Variants in PRSS55 observed in about 807,000 individuals in gnomAD.
PRSS55 encodes the protein probable serine protease UNQ9391/PRO34284.
A neutral mutation model predicts 23.6 loss-of-function variants in PRSS55; 41 were observed. The ratio of observed to expected loss-of-function variants is 1.74; its 90% confidence interval spans 1.35 to 2.26. The LOEUF is 2.26. Ranked by LOEUF, PRSS55 falls within the 30% of genes most tolerant of loss-of-function variation. The pLI is 0.00. For synonymous variants in PRSS55, 262 were observed against 175.5 expected, an observed-to-expected ratio of 1.49 and a Z score of -3.90; for missense variants, 669 against 439.1, an observed-to-expected ratio of 1.52 and a Z score of -4.68.
At chr8:10,547,859 C>T (rs193240516) in intron 4 of PRSS55, among the ~76,000 whole-genome samples, 218 of 151,816 alleles carry the variant, frequency 1.4e-3, no homozygotes, top group African/African-American at 5.0e-3. Context: ...GAGCAGGGAA[C>T]AACATGTCAC....
At position 10,532,904 on chromosome 8, in the gene PRSS55, A is replaced by G. The variant is rs1812320205; in HGVS notation, c.599-2A>G. 1 of 1,614,074 alleles carries G rather than the reference A, an allele frequency of 6.2e-7. No homozygotes were observed. The highest frequency in any genetic ancestry group is 8.5e-7 in the Non-Finnish European group (1 of 1,180,028). Reference sequence around the variant, plus strand: ...CTCTAATGCGCTTTCTCTCTGGGCCAGCTGACAAAAACTCTGTGAAAACGG... The same window carrying G: ...CTCTAATGCGCTTTCTCTCTGGGCCGGCTGACAAAAACTCTGTGAAAACGG... On this transcript the variant is annotated splice_acceptor_variant, in intron 3 of 4. Transcript: ENST00000328655. LOFTEE classifies it high-confidence loss of function.
intron 1 of PRSS55, among the ~76,000 whole-genome samples, chr8:10,526,339 T>G (rs1018310700): frequency 4.6e-5 from 7 of 152,146 alleles, no homozygotes; most frequent in Admixed American, 3.9e-4. Flanking sequence ...TTGCCCAAAG[T>G]TGCCCCAGGG....
intron 2 of PRSS55, 114 bp from the exon 3 acceptor site, chr8:10,531,181 G>A (rs1812244323): frequency 2.3e-6 from 3 of 1,286,454 alleles, no homozygotes; most frequent in Middle Eastern, 1.9e-4. Context: ...GCCCCAGTAG[G>A]GTTTAAAGGT....
intron 4 of PRSS55, among the ~76,000 whole-genome samples, chr8:10,550,208 C>T (rs1812922085): frequency 6.6e-6 from 1 of 152,216 alleles, no homozygotes; most frequent in Non-Finnish European, 1.5e-5. Context: ...CAGCTGTGAG[C>T]CATTGCGCCC....
chr8:10,529,633 GC>G lies in PRSS55; in HGVS notation c.282del (p.Gly95AlafsTer26). 1 of 1,614,170 alleles carries G rather than the reference GC, an allele frequency of 6.2e-7. No homozygotes were observed. The highest frequency in any genetic ancestry group is 8.5e-7 in the Non-Finnish European group (1 of 1,180,026). On this transcript the variant is annotated frameshift_variant, in exon 2 of 5. Coordinates refer to ENST00000328655, the MANE Select transcript of PRSS55 (RefSeq NM_198464.4). LOFTEE classifies it high-confidence loss of function. ...SIQARSEPFCGGSILNKWWIL... is the reference protein window; with the variant it reads ...SIQARSEPFCXGSILNKWWIL... Reference sequence around the variant, plus strand: ...CAGGCAAGAAGTGAACCTTTCTGTGGCGGCTCCATCCTCAACAAGTGGTGGA... The same window carrying G: ...CAGGCAAGAAGTGAACCTTTCTGTGGGGCTCCATCCTCAACAAGTGGTGGA...
At chr8:10,532,828 A>C in intron 3 of PRSS55, 78 bp from the exon 4 acceptor site, 1 of 1,579,540 alleles carries the variant, frequency 6.3e-7, no homozygotes. Context: ...CACAGGGCCG[A>C]GGGCACAGTC....
chr8:10,541,936 G>A (rs1045114671), downstream of PRSS55, among the ~76,000 whole-genome samples: 9 of 151,940 alleles, frequency 5.9e-5, no homozygotes, highest in African/African-American at 1.7e-4. Flanking sequence ...ACCACACCTG[G>A]CTCATTTTTT....
chr8:10,544,662 A>C (rs902873963), intron 4 of PRSS55, among the ~76,000 whole-genome samples: 1 of 152,130 alleles, frequency 6.6e-6, no homozygotes, highest in Non-Finnish European at 1.5e-5. Flanking sequence ...AATGATGCTA[A>C]TTATATTTTT....
intron 4 of PRSS55, among the ~76,000 whole-genome samples, chr8:10,544,251 AC>A (rs1304979822): frequency 6.6e-6 from 1 of 152,146 alleles, no homozygotes; most frequent in African/African-American, 2.4e-5. Flanking sequence ...TGAATCATTG[AC>A]CCTTTAGTCA....
At chr8:10,529,756 C>A in intron 2 of PRSS55, 57 bp downstream of exon 2, 2 of 1,536,436 alleles carry the variant, frequency 1.3e-6, no homozygotes, top group Non-Finnish European at 1.8e-6. Flanking sequence ...CTGGGGCACC[C>A]TCCCCCTCAC....
At chr8:10,549,694 T>G (rs1445485066) in intron 4 of PRSS55, among the ~76,000 whole-genome samples, 1 of 152,172 alleles carries the variant, frequency 6.6e-6, no homozygotes, top group Non-Finnish European at 1.5e-5. Context: ...CAACGCTCAG[T>G]GCCCCTTTTC....
chr8:10,538,324 G>A (rs1236317153), intron 4 of PRSS55, 152 bp from the exon 5 acceptor site: 1 of 638,446 alleles, frequency 1.6e-6, no homozygotes, highest in African/African-American at 1.8e-5. Flanking sequence ...AGCCAACCTG[G>A]CAGCCACATG....
In PRSS55 at chr8:10,538,581, G is replaced by A. The variant is rs763096976; in HGVS notation, c.847G>A (p.Gly283Arg). ...GAGCTGTGGAGAGAAGAACACCCCA[G>A]GGATATACACCTCGTTGGTGAACTA... Reference protein sequence around the residue: ...GKSCGEKNTPGIYTSLVNYNL... With the variant: ...GKSCGEKNTPRIYTSLVNYNL... The change falls in exon 5 of 5, where the codon GGG becomes AGG. Residue 283 changes from glycine to arginine, a missense_variant. By Grantham distance (125) the Gly-to-Arg change is moderately radical. Transcript: ENST00000328655. 1 of 1,614,156 alleles carries A rather than the reference G, an allele frequency of 6.2e-7. No individual in the cohort carries two copies. The highest frequency in any genetic ancestry group is 1.1e-5 in the South Asian group (1 of 91,076).
downstream of PRSS55, among the ~76,000 whole-genome samples, chr8:10,543,423 T>TCTTCCTTC (rs71203335): frequency 8.0e-3 from 570 of 71,554 alleles, 19 homozygotes; most frequent in Middle Eastern, 0.018. Flanking sequence ...CTTCTTTCTT[T>TCTTCCTTC]CTTCCTTCCT....
At chr8:10,526,127 C>G (rs557839125) in intron 1 of PRSS55, among the ~76,000 whole-genome samples, 7 of 152,274 alleles carry the variant, frequency 4.6e-5, no homozygotes, top group African/African-American at 1.7e-4. Context: ...AAGGGTGCTT[C>G]TGTCCTTGTG....
At chr8:10,553,843 G>A (rs749692515) in intron 4 of PRSS55, 19 of 723,086 alleles carry the variant, frequency 2.6e-5, no homozygotes, top group Non-Finnish European at 3.7e-5. Context: ...TAGTTTAATT[G>A]GAGTAACCAT....
downstream of PRSS55, chr8:10,538,831 T>C (rs994816723): frequency 4.0e-6 from 6 of 1,506,230 alleles, no homozygotes; most frequent in African/African-American, 8.4e-5. Flanking sequence ...CGAGGGAGGG[T>C]GCATGCAAGT....
chr8:10,537,643 G>T (rs974542210), intron 4 of PRSS55, among the ~76,000 whole-genome samples: 5 of 152,102 alleles, frequency 3.3e-5, no homozygotes, highest in African/African-American at 1.2e-4. Flanking sequence ...TTGAGGGGAT[G>T]GATACCCCAA....
chr8:10,535,743 C>T (rs1389994432), intron 4 of PRSS55, among the ~76,000 whole-genome samples: 3 of 152,176 alleles, frequency 2.0e-5, no homozygotes, highest in East Asian at 1.9e-4. Flanking sequence ...AGCATCTGCA[C>T]AGCTAAGGAA....
Sources: allele counts gnomAD v4.1 joint callset (sites outside exome capture counted in the v4.1 genomes callset), GRCh38; gene constraint gnomAD v4.1.1; transcripts MANE v1.5; gene names NCBI Gene and HGNC (gene_info 2026-07-23, HGNC 2026-07-21).